GLIS3: variants seen among roughly 807,000 people sequenced by gnomAD.
GLIS3 encodes GLIS family zinc finger 3, also known as zinc finger protein GLIS3.
GLIS3 carries 53 observed loss-of-function variants against 78.6 expected under a neutral mutation model. That is an observed-to-expected ratio of 0.67 (90% CI 0.54 to 0.85). GLIS3 has a LOEUF of 0.85. Ranked by LOEUF, GLIS3 falls within the 40% of genes least tolerant of loss-of-function variation. GLIS3 has a pLI of 0.00. For missense variants in GLIS3, 1,703 were observed against 1,231.1 expected (o/e 1.38, Z -5.74); for synonymous variants, 684 against 509.9 (o/e 1.34, Z -4.60).
chr9:3,981,649 T>C (rs1351485911), intron 4 of GLIS3, among the ~76,000 whole-genome samples: 1 of 152,132 alleles, frequency 6.6e-6, no homozygotes, highest in Non-Finnish European at 1.5e-5. Context: ...TGATACATAG[T>C]TCCAATTAAA....
chr9:4,177,833 C>T (rs1006657949), intron 2 of GLIS3, among the ~76,000 whole-genome samples: 1 of 152,076 alleles, frequency 6.6e-6, no homozygotes, highest in African/African-American at 2.4e-5. Flanking sequence ...ATAAGCTATG[C>T]GACAGAAAGA....
intron 4 of GLIS3, among the ~76,000 whole-genome samples, chr9:4,048,145 G>A (rs559836147): frequency 7.2e-5 from 11 of 152,130 alleles, no homozygotes; most frequent in African/African-American, 2.4e-5. Flanking sequence ...GAATTTATCC[G>A]ACCCCTGAAG....
At chr9:4,418,368 A>C in the GLIS3 span, among the ~76,000 whole-genome samples, 1 of 152,258 alleles carries the variant, frequency 6.6e-6, no homozygotes, top group African/African-American at 2.4e-5. Flanking sequence ...CATTGCCCAA[A>C]TGGGTAGGTT....
the GLIS3 span, among the ~76,000 whole-genome samples, chr9:4,426,901 A>G: frequency 6.6e-6 from 1 of 152,222 alleles, no homozygotes; most frequent in African/African-American, 2.4e-5. Flanking sequence ...CTGATAAGGA[A>G]TTATTACTTT....
the GLIS3 span, among the ~76,000 whole-genome samples, chr9:4,401,498 G>C: frequency 6.6e-6 from 1 of 151,382 alleles, no homozygotes; most frequent in Non-Finnish European, 1.5e-5. Context: ...TCTCAACCTC[G>C]GGTAATCCAC....
chr9:4,249,491 T>C (rs1445050602), intron 2 of GLIS3, among the ~76,000 whole-genome samples: 1 of 152,192 alleles, frequency 6.6e-6, no homozygotes, highest in African/African-American at 2.4e-5. Context: ...TTTGCTGAAG[T>C]TGCTTATCAG....
chr9:4,483,190 A>G, the GLIS3 span, among the ~76,000 whole-genome samples: 3 of 142,008 alleles, frequency 2.1e-5, no homozygotes, highest in South Asian at 4.5e-4. Flanking sequence ...TTCATATACT[A>G]TATCTTGCTT....
chr9:4,231,845 G>GTAC (rs1364763256), intron 2 of GLIS3, among the ~76,000 whole-genome samples: 1 of 152,156 alleles, frequency 6.6e-6, no homozygotes, highest in Non-Finnish European at 1.5e-5. Context: ...ATTAAAGGAT[G>GTAC]TACTTCAAAT....
At chr9:4,270,640 CAAG>C (rs2130146631) in intron 2 of GLIS3, among the ~76,000 whole-genome samples, 1 of 152,294 alleles carries the variant, frequency 6.6e-6, no homozygotes, top group African/African-American at 2.4e-5. Context: ...GCACACAAAC[CAAG>C]AAGACAATAC....
At chr9:4,123,515 G>C (rs1323528809) in intron 3 of GLIS3, among the ~76,000 whole-genome samples, 1 of 152,014 alleles carries the variant, frequency 6.6e-6, no homozygotes, top group African/African-American at 2.4e-5. Context: ...ACAACTAAGT[G>C]CCAACTAACA....
chr9:4,119,255 A>G (rs1326649985), intron 3 of GLIS3, among the ~76,000 whole-genome samples: 1 of 152,224 alleles, frequency 6.6e-6, no homozygotes, highest in Non-Finnish European at 1.5e-5. Context: ...AGCCAACCAA[A>G]TAAGTATTTG....
intron 4 of GLIS3, among the ~76,000 whole-genome samples, chr9:4,012,164 C>T (rs941928677): frequency 2.0e-5 from 3 of 152,196 alleles, no homozygotes; most frequent in African/African-American, 7.2e-5. Flanking sequence ...ATTACCTCTT[C>T]ATACCTACTC....
At chr9:3,944,342 T>C (rs1456370767) in intron 4 of GLIS3, among the ~76,000 whole-genome samples, 1 of 152,232 alleles carries the variant, frequency 6.6e-6, no homozygotes, top group African/African-American at 2.4e-5. Flanking sequence ...AACCTCATCA[T>C]GGGCATTATA....
At chr9:4,111,632 T>A (rs1339480800) in intron 4 of GLIS3, among the ~76,000 whole-genome samples, 2 of 152,254 alleles carry the variant, frequency 1.3e-5, no homozygotes, top group Non-Finnish European at 2.9e-5. Flanking sequence ...CTAAGGGATT[T>A]GTAATTTATG....
intron 4 of GLIS3, among the ~76,000 whole-genome samples, chr9:3,958,478 G>A (rs899014551): frequency 4.6e-5 from 7 of 152,300 alleles, no homozygotes; most frequent in Middle Eastern, 3.4e-3. Flanking sequence ...TCAGACTGAT[G>A]TACCTACAAA....
chr9:3,918,889 C>CACCA (rs1266507874), intron 6 of GLIS3, among the ~76,000 whole-genome samples: 1 of 152,228 alleles, frequency 6.6e-6, no homozygotes, highest in Non-Finnish European at 1.5e-5. Flanking sequence ...GACCAATGTT[C>CACCA]ACCAACCAAC....
chr9:4,310,842 G>C (rs1282904450), intron 2 of GLIS3, among the ~76,000 whole-genome samples: 1 of 152,176 alleles, frequency 6.6e-6, no homozygotes, highest in Non-Finnish European at 1.5e-5. Flanking sequence ...TAAGTAAATG[G>C]GGGTGGTGAT....
intron 4 of GLIS3, among the ~76,000 whole-genome samples, chr9:4,045,031 G>C (rs1377197351): frequency 6.6e-6 from 1 of 152,212 alleles, no homozygotes; most frequent in Non-Finnish European, 1.5e-5. Context: ...ACAGAGCAGA[G>C]TCTGTTTTTA....
intron 4 of GLIS3, among the ~76,000 whole-genome samples, chr9:4,075,744 T>C (rs1026858068): frequency 4.6e-5 from 7 of 151,682 alleles, no homozygotes; most frequent in Non-Finnish European, 8.8e-5. Flanking sequence ...AGGCAACCTG[T>C]GATATAGTCG....
Sources: gnomAD v4.1 joint callset for allele counts (sites outside exome capture counted in the v4.1 genomes callset) on GRCh38, gnomAD v4.1.1 for gene constraint, MANE v1.5 for transcripts, NCBI Gene and HGNC (gene_info 2026-07-23, HGNC 2026-07-21) for gene names.